Variants in CDH23 observed in about 807,000 individuals in gnomAD.
CDH23 encodes the protein cadherin related 23, also known as cadherin-23.
A neutral mutation model predicts 317.1 loss-of-function variants in CDH23; 189 were observed. The observed-to-expected ratio is 0.60, with a 90% CI of 0.53 to 0.67. The LOEUF is 0.67. Among genes scored for constraint, CDH23 ranks in the 30% least tolerant of loss-of-function variants. The pLI, the probability that CDH23 is intolerant of heterozygous loss-of-function variation, is 0.00. For synonymous variants in CDH23, 1,839 were observed against 1,876.8 expected (o/e 0.98, Z 0.52); for missense variants, 4,401 against 4,592.4 (o/e 0.96, Z 1.20).
In CDH23 at chr10:71,785,754, A is replaced by T. The variant is rs868820396; in HGVS notation, c.5820+16A>T. The T allele has an allele frequency of 2.6e-6, 4 of 1,513,354 alleles. No individual in the cohort carries two copies. The Middle Eastern group carries it at 6.8e-4, about 256-fold the overall frequency. 93.7% of individuals were successfully genotyped at this position (1,513,354 alleles called of 1,614,324 possible). On this transcript the variant is annotated intron_variant, in intron 44 of 69. Transcript: ENST00000224721. ...AGCCAGGAGGGTGAGACTGGAGGGCACTGGTGGGAGTGGGCTGGGAGCTAG... is the reference window on the plus strand; with the variant it reads ...AGCCAGGAGGGTGAGACTGGAGGGCTCTGGTGGGAGTGGGCTGGGAGCTAG...
chr10:71,609,402 A>G (rs1453682240), intron 9 of CDH23, among the ~76,000 whole-genome samples: 1 of 150,658 alleles, frequency 6.6e-6, no homozygotes, highest in Non-Finnish European at 1.5e-5. Flanking sequence ...TGTTTTTTAC[A>G]CCAAACTCTG....
Position 71,780,552 on chromosome 10 carries a change from G to C in CDH23, c.5368+1105G>C, listed in dbSNP as rs75317990. Among the ~76,000 whole-genome samples the C allele has an allele frequency of 5.7e-3, 867 of 152,318 alleles. 8 individuals are homozygous for C. Among genetic ancestry groups the C allele is most frequent in the East Asian group, 0.025 (130 of 5,184 alleles). ...TCACAGAGAAGCAAAAAGGCCTGCA[G>C]CTGGGGGAAAGTTGAGCAAAGGGAA... On this transcript the variant is annotated intron_variant, in intron 41 of 69. Coordinates refer to ENST00000224721, the MANE Select transcript of CDH23 (RefSeq NM_022124.6).
intron 68 of CDH23, 23 bp downstream of exon 68, chr10:71,812,913 G>C (rs371694271): frequency 6.2e-7 from 1 of 1,611,212 alleles, no homozygotes; most frequent in South Asian, 1.1e-5. Context: ...TGCAGGCTCC[G>C]CGCCCAGTCC....
At chr10:71,428,430 G>A (rs992058739) in intron 1 of CDH23, among the ~76,000 whole-genome samples, 7 of 145,190 alleles carry the variant, frequency 4.8e-5, no homozygotes, top group African/African-American at 7.8e-5. Flanking sequence ...GAGCCACCAC[G>A]CCTGGCCTCC....
At chr10:71,699,667 A>G (rs1295680199) in intron 22 of CDH23, among the ~76,000 whole-genome samples, 2 of 152,244 alleles carry the variant, frequency 1.3e-5, no homozygotes, top group African/African-American at 2.4e-5. Context: ...AAAGCCCTCC[A>G]GCAAAATAAA....
At chr10:71,584,575 T>TGTGTGTGTGTGTGTGTAC (rs59439288) in intron 9 of CDH23, among the ~76,000 whole-genome samples, 1 of 148,840 alleles carries the variant, frequency 6.7e-6, no homozygotes, top group Non-Finnish European at 1.5e-5. Context: ...TGTGTGTGTG[T>TGTGTGTGTGTGTGTGTAC]ACGCAGGGAG....
chr10:71,601,092 C>CT (rs1438716674), intron 9 of CDH23, among the ~76,000 whole-genome samples: 2 of 152,180 alleles, frequency 1.3e-5, no homozygotes, highest in Admixed American at 1.3e-4. Flanking sequence ...ATGTTATACT[C>CT]TGAGTCACTG....
chr10:71,578,646 G>A (rs1201479708), intron 9 of CDH23, among the ~76,000 whole-genome samples: 1 of 152,140 alleles, frequency 6.6e-6, no homozygotes, highest in Non-Finnish European at 1.5e-5. Flanking sequence ...TCCCAGGGCT[G>A]GGTGGTTTTA....
At chr10:71,724,024 T>C in intron 28 of CDH23, 21 bp from the exon 29 acceptor site, 9 of 1,554,040 alleles carry the variant, frequency 5.8e-6, no homozygotes, top group Non-Finnish European at 7.8e-6. Context: ...AAGAAGTAAC[T>C]CGTGTCTCAT....
At chr10:71,683,006 C>T (rs79456505) in intron 18 of CDH23, among the ~76,000 whole-genome samples, 4,256 of 152,022 alleles carry the variant, frequency 0.028, 260 homozygotes, top group East Asian at 0.24. Flanking sequence ...TCCTTTTTTT[C>T]TTCCCTTTTC....
At chr10:71,515,388 TCTCTCTCA>T (rs58165310) in intron 6 of CDH23, among the ~76,000 whole-genome samples, 45,564 of 115,212 alleles carry the variant, frequency 0.4, 7,151 homozygotes, top group East Asian at 0.49. Flanking sequence ...TCTCTCTCTC[TCTCTCTCA>T]CACACACACA....
chr10:71,620,906 G>T (rs749825004), intron 11 of CDH23, among the ~76,000 whole-genome samples: 1 of 152,184 alleles, frequency 6.6e-6, no homozygotes. Flanking sequence ...CCCTGCTCTC[G>T]TGTATCTCAT....
At chr10:71,506,285 A>G (rs1421994538) in intron 3 of CDH23, among the ~76,000 whole-genome samples, 1 of 152,096 alleles carries the variant, frequency 6.6e-6, no homozygotes, top group African/African-American at 2.4e-5. Context: ...TTTGGAAAGG[A>G]TGAAAATCGT....
At chr10:71,686,999 C>T (rs1864930087) in intron 18 of CDH23, among the ~76,000 whole-genome samples, 1 of 152,210 alleles carries the variant, frequency 6.6e-6, no homozygotes, top group Admixed American at 6.5e-5. Flanking sequence ...CGTGCTCTGG[C>T]TATTGGCAAA....
intron 6 of CDH23, among the ~76,000 whole-genome samples, chr10:71,534,876 G>T (rs1405135367): frequency 6.6e-6 from 1 of 152,204 alleles, no homozygotes; most frequent in Admixed American, 6.5e-5. Context: ...TAAACTCCAG[G>T]CTCCTGGAGG....
chr10:71,425,000 G>A (rs1848990651), intron 1 of CDH23, among the ~76,000 whole-genome samples: 1 of 152,110 alleles, frequency 6.6e-6, no homozygotes, highest in Non-Finnish European at 1.5e-5. Flanking sequence ...TTGCAGACAA[G>A]GACGCTGAGG....
intron 11 of CDH23, among the ~76,000 whole-genome samples, chr10:71,620,220 C>G (rs1247600010): frequency 1.3e-5 from 2 of 152,116 alleles, no homozygotes; most frequent in African/African-American, 2.4e-5. Flanking sequence ...TTGGCCAGAA[C>G]TAGTTATGTG....
At chr10:71,774,514 T>C (rs1357463163) in intron 38 of CDH23, among the ~76,000 whole-genome samples, 1 of 152,214 alleles carries the variant, frequency 6.6e-6, no homozygotes, top group East Asian at 1.9e-4. Context: ...CTTCCGGCTG[T>C]TCTGCCCTCC....
At chr10:71,516,450 A>T (rs151336477) in intron 6 of CDH23, among the ~76,000 whole-genome samples, 2 of 152,360 alleles carry the variant, frequency 1.3e-5, no homozygotes, top group East Asian at 3.9e-4. Context: ...ATGTCCCTTA[A>T]CAAGGATGAA....
Sources: gnomAD v4.1 joint callset for allele counts (sites outside exome capture counted in the v4.1 genomes callset) on GRCh38, gnomAD v4.1.1 for gene constraint, MANE v1.5 for transcripts, NCBI Gene and HGNC (gene_info 2026-07-23, HGNC 2026-07-21) for gene names.